The following PRKN variants were observed in gnomAD, a reference collection of about 807,000 sequenced individuals.
PRKN encodes E3 ubiquitin-protein ligase parkin.
In PRKN, 56 loss-of-function variants were observed where a neutral mutation model predicts 59.5. The ratio of observed to expected loss-of-function variants is 0.94; its 90% CI spans 0.76 to 1.18. The LOEUF (loss-of-function observed/expected upper bound fraction) is 1.18. Among genes scored for constraint, PRKN ranks in the 50% most tolerant of loss-of-function variants. The probability of loss-of-function intolerance (pLI) is 0.00; values close to 1 mark genes in which losing one functional copy is unlikely to be tolerated. For missense variants in PRKN, 657 were observed against 596.4 expected, an observed-to-expected ratio of 1.10 and a Z score of -1.06; for synonymous variants, 250 against 222.1, an observed-to-expected ratio of 1.13 and a Z score of -1.12.
chr6:162,144,585 G>T (rs939987223), intron 4 of PRKN, among the ~76,000 whole-genome samples: 1 of 152,116 alleles, frequency 6.6e-6, no homozygotes, highest in Non-Finnish European at 1.5e-5. Flanking sequence ...ACGAACTGTA[G>T]GACCTATGGT....
intron 2 of PRKN, among the ~76,000 whole-genome samples, chr6:162,263,085 C>T (rs367746963): frequency 2.2e-4 from 33 of 152,010 alleles, no homozygotes; most frequent in African/African-American, 7.7e-4. Flanking sequence ...ACAATAATTC[C>T]TTTTTTCCCC....
At chr6:162,371,471 G>C (rs555690666) in intron 2 of PRKN, among the ~76,000 whole-genome samples, 1 of 152,152 alleles carries the variant, frequency 6.6e-6, no homozygotes, top group South Asian at 2.1e-4. Flanking sequence ...TTCAAACCCG[G>C]CTTTCTCACT....
chr6:162,265,195 C>G (rs937954350), intron 2 of PRKN: 5 of 152,042 alleles, frequency 3.3e-5, no homozygotes. Context: ...TTTCATCTTC[C>G]TTACCCCTCC....
intron 1 of PRKN, among the ~76,000 whole-genome samples, chr6:162,623,588 G>A (rs1190559029): frequency 3.3e-5 from 5 of 152,074 alleles, no homozygotes; most frequent in South Asian, 2.1e-4. Flanking sequence ...GAGACTGGCC[G>A]AAGAAAAGTA....
chr6:161,355,587 C>T lies in PRKN; in HGVS notation c.1285+4501G>A, dbSNP rs1166093561. On this transcript the variant is annotated intron_variant, in intron 11 of 11. Coordinates refer to ENST00000366898, the MANE Select transcript of PRKN (RefSeq NM_004562.3). The surrounding 1 kb of genome is among the most constrained non-coding windows in gnomAD (Gnocchi z 6.8). ...TAGCTATTTTTTTTTTGTATTTTTA[C>T]TAGAGACAGGGTTTCACCATGTTAG... Among the ~76,000 whole-genome samples, 2 of 151,636 alleles carry T rather than the reference C, an allele frequency of 1.3e-5. No homozygotes were observed. Among genetic ancestry groups the T allele is most frequent in the African/African-American group, 4.8e-5 (2 of 41,288 alleles).
intron 7 of PRKN, among the ~76,000 whole-genome samples, chr6:161,660,088 A>G (rs1425512368): frequency 6.6e-6 from 1 of 152,188 alleles, no homozygotes; most frequent in Non-Finnish European, 1.5e-5. Context: ...TACTACTACT[A>G]CAACTATTAC....
intron 1 of PRKN, among the ~76,000 whole-genome samples, chr6:162,712,529 G>C (rs559594335): frequency 1.3e-5 from 2 of 152,144 alleles, no homozygotes; most frequent in Admixed American, 6.5e-5. Context: ...ATATCATGAC[G>C]CTTATACAAC....
At chr6:161,958,230 T>C (rs910157764) in intron 6 of PRKN, among the ~76,000 whole-genome samples, 2 of 152,182 alleles carry the variant, frequency 1.3e-5, no homozygotes, top group Non-Finnish European at 2.9e-5. Flanking sequence ...ATCAGTGACG[T>C]TGTTTATTTG....
intron 5 of PRKN, among the ~76,000 whole-genome samples, chr6:162,029,507 C>T (rs1421332450): frequency 6.6e-6 from 1 of 152,128 alleles, no homozygotes; most frequent in Non-Finnish European, 1.5e-5. Context: ...CTGAAATGGC[C>T]TATTTGCTCA....
intron 4 of PRKN, among the ~76,000 whole-genome samples, chr6:162,156,993 C>T (rs989417230): frequency 1.8e-4 from 4 of 22,132 alleles, no homozygotes; most frequent in Non-Finnish European, 2.7e-4. Flanking sequence ...TACCTGTATA[C>T]ATCAATCTTT....
intron 7 of PRKN, among the ~76,000 whole-genome samples, chr6:161,655,958 C>T (rs1784335369): frequency 6.7e-6 from 1 of 149,606 alleles, no homozygotes; most frequent in African/African-American, 2.5e-5. Flanking sequence ...CTTTGATTCA[C>T]GTGTATGGTA....
intron 1 of PRKN, among the ~76,000 whole-genome samples, chr6:162,511,590 T>C (rs1777620916): frequency 6.6e-6 from 1 of 152,188 alleles, no homozygotes; most frequent in Non-Finnish European, 1.5e-5. Flanking sequence ...ATTTAGGTTC[T>C]CTATATTGTT....
intron 9 of PRKN, among the ~76,000 whole-genome samples, chr6:161,436,369 T>TTTCA (rs1450818630): frequency 1.9e-5 from 2 of 103,998 alleles, no homozygotes. Flanking sequence ...ATCAGGTGGA[T>TTTCA]TTCATTCGCT....
intron 6 of PRKN, among the ~76,000 whole-genome samples, chr6:161,929,086 T>A (rs79861912): frequency 1.0e-3 from 155 of 151,986 alleles, no homozygotes; most frequent in African/African-American, 3.6e-3. Flanking sequence ...AATCAACAGG[T>A]GAATGGATAA....
intron 9 of PRKN, among the ~76,000 whole-genome samples, chr6:161,464,402 G>C (rs1249358946): frequency 1.3e-5 from 2 of 152,120 alleles, no homozygotes; most frequent in Non-Finnish European, 2.9e-5. Flanking sequence ...TGGAAACTTT[G>C]AATCTCAGAT....
intron 7 of PRKN, among the ~76,000 whole-genome samples, chr6:161,574,331 G>A (rs577702616): frequency 9.9e-5 from 15 of 152,238 alleles, no homozygotes; most frequent in South Asian, 8.3e-4. Context: ...GAAAACATGG[G>A]CCTGGCGAAT....
At chr6:162,350,888 C>T (rs545923504) in intron 2 of PRKN, among the ~76,000 whole-genome samples, 34 of 152,098 alleles carry the variant, frequency 2.2e-4, no homozygotes, top group South Asian at 1.9e-3. Flanking sequence ...AGACAAGTCA[C>T]GAACTTGGAT....
chr6:162,682,355 C>T (rs1167289923), intron 1 of PRKN, among the ~76,000 whole-genome samples: 2 of 152,068 alleles, frequency 1.3e-5, no homozygotes, highest in Non-Finnish European at 2.9e-5. Context: ...TGGAATCAAC[C>T]TAGATGCCCA....
rs564037192 is a variant in PRKN, at chr6:162,351,409, A to T, written c.172-88644T>A. Among the ~76,000 whole-genome samples the T allele has an allele frequency of 2.6e-5, 4 of 152,338 alleles. No homozygotes were observed. The South Asian group carries it at 8.3e-4, about 32-fold the overall frequency. Reference sequence around the variant, plus strand: ...CTACTACACACCTGTCAAATTGAATACCTTTTAATTAAAAGGTAGACCAAA... The same window carrying T: ...CTACTACACACCTGTCAAATTGAATTCCTTTTAATTAAAAGGTAGACCAAA... On this transcript the variant is annotated intron_variant, in intron 2 of 11. Transcript: ENST00000366898.
Sources: gnomAD v4.1 joint callset for allele counts (sites outside exome capture counted in the v4.1 genomes callset) on GRCh38, gnomAD v4.1.1 for gene constraint, Gnocchi (gnomAD v3.1) non-coding constraint, MANE v1.5 for transcripts, NCBI Gene and HGNC (gene_info 2026-07-23, HGNC 2026-07-21) for gene names.